FHOD3: variants seen among roughly 807,000 people sequenced by gnomAD.
The protein encoded by FHOD3 is formin homology 2 domain containing 3, also known as FH1/FH2 domain-containing protein 3.
Under a neutral mutation model 173.0 loss-of-function variants are expected in FHOD3, and 90 were observed. The observed-to-expected ratio is 0.52, with a 90% CI of 0.44 to 0.62. The LOEUF (loss-of-function observed/expected upper bound fraction) is 0.62. Ranked by LOEUF, FHOD3 falls within the 20% of genes least tolerant of loss-of-function variation. The pLI is 0.00. For synonymous variants in FHOD3, 828 were observed against 823.0 expected, an observed-to-expected ratio of 1.01 and a Z score of -0.10; for missense variants, 1,945 against 2,034.7, an observed-to-expected ratio of 0.96 and a Z score of 0.85.
chr18:36,688,648 C>G (rs535390933), intron 16 of FHOD3, among the ~76,000 whole-genome samples: 1 of 152,286 alleles, frequency 6.6e-6, no homozygotes, highest in South Asian at 2.1e-4. Context: ...GCATAAGGAA[C>G]TAAATTTTAT....
intron 5 of FHOD3, among the ~76,000 whole-genome samples, chr18:36,534,880 T>G (rs187345452): frequency 1.3e-5 from 2 of 152,330 alleles, no homozygotes; most frequent in East Asian, 3.9e-4. Context: ...AAATTTGCTG[T>G]GCTTAGAAGG....
At chr18:36,298,708 G>A (rs1025084562) in intron 1 of FHOD3, among the ~76,000 whole-genome samples, 1 of 152,148 alleles carries the variant, frequency 6.6e-6, no homozygotes, top group Non-Finnish European at 1.5e-5. Flanking sequence ...TTGGCAGCCC[G>A]AAATGAGTGT....
At chr18:36,714,391 A>G (rs185580905) in intron 18 of FHOD3, among the ~76,000 whole-genome samples, 1 of 152,106 alleles carries the variant, frequency 6.6e-6, no homozygotes, top group South Asian at 2.1e-4. Flanking sequence ...TACAAAAATT[A>G]GCTGGGCATG....
At chr18:36,601,101 G>T (rs1036375776) in intron 7 of FHOD3, among the ~76,000 whole-genome samples, 1 of 152,210 alleles carries the variant, frequency 6.6e-6, no homozygotes, top group African/African-American at 2.4e-5. Context: ...CAACTACACC[G>T]TGGTGTGGAC....
At chr18:36,596,789 C>T (rs1276062836) in intron 7 of FHOD3, among the ~76,000 whole-genome samples, 1 of 152,078 alleles carries the variant, frequency 6.6e-6, no homozygotes, top group East Asian at 1.9e-4. Flanking sequence ...GTTTCTTCTG[C>T]CACAAAATGT....
At chr18:36,332,446 G>A (rs189935072) in intron 1 of FHOD3, among the ~76,000 whole-genome samples, 10 of 152,340 alleles carry the variant, frequency 6.6e-5, no homozygotes, top group African/African-American at 1.9e-4. Flanking sequence ...CACCTGAAAG[G>A]AACTGAGCTG....
chr18:36,408,942 A>G (rs2049206135), intron 3 of FHOD3, among the ~76,000 whole-genome samples: 1 of 152,124 alleles, frequency 6.6e-6, no homozygotes, highest in Non-Finnish European at 1.5e-5. Flanking sequence ...CAGGTCATGG[A>G]ATCACTCATT....
Position 36,611,916 on chromosome 18 carries a change from G to C in FHOD3, c.814-36G>C, listed in dbSNP as rs769007828. ...CCTGAGAGCCTCAAGGCAGTCTTCT[G>C]TGGTGTCTCTGTAGCTGGTTCTTCT... On this transcript the variant is annotated intron_variant, in intron 8 of 28. Coordinates refer to ENST00000590592, the MANE Select transcript of FHOD3 (RefSeq NM_001281740.3). 5 of 1,597,690 alleles carry C rather than the reference G, an allele frequency of 3.1e-6. No individual in the cohort carries two copies. In the South Asian group the frequency reaches 5.7e-5, roughly 18 times the overall value.
intron 7 of FHOD3, among the ~76,000 whole-genome samples, chr18:36,600,252 AACACACACACACACAC>A (rs67473480): frequency 6.3e-5 from 9 of 143,066 alleles, no homozygotes; most frequent in Non-Finnish European, 1.4e-4. Flanking sequence ...TCTCCTCTGC[AACACACACACACACAC>A]ACACACACAC....
intron 3 of FHOD3, among the ~76,000 whole-genome samples, chr18:36,473,529 G>T (rs1040744772): frequency 3.9e-5 from 6 of 152,244 alleles, no homozygotes; most frequent in African/African-American, 1.4e-4. Context: ...AACTGCTAGT[G>T]AGTCACACAG....
chr18:36,567,001 C>A (rs2058289338), intron 5 of FHOD3, among the ~76,000 whole-genome samples: 1 of 152,142 alleles, frequency 6.6e-6, no homozygotes, highest in Admixed American at 6.5e-5. Flanking sequence ...TGGATTTTTA[C>A]AACTTTCTAG....
chr18:36,723,515 T>C (rs180987460), intron 19 of FHOD3, among the ~76,000 whole-genome samples: 72 of 152,348 alleles, frequency 4.7e-4, no homozygotes, highest in African/African-American at 1.7e-3. Flanking sequence ...CTTGTAACTG[T>C]CACTTTCTCA....
At chr18:36,401,346 C>T (rs1477011683) in intron 3 of FHOD3, among the ~76,000 whole-genome samples, 2 of 152,198 alleles carry the variant, frequency 1.3e-5, no homozygotes, top group Non-Finnish European at 1.5e-5. Context: ...CTGAATCTGC[C>T]GTTACCTTGA....
rs563970585 is a variant in FHOD3, at chr18:36,410,436, A to T, written c.337+37692A>T. The stretch of plus-strand genomic sequence containing the variant: ...AGACATTTGAGTTGTTTCTATTATG[A>T]ATAATGCTGGTATGAACATTTATGT... On this transcript the variant is annotated intron_variant, in intron 3 of 28. Transcript: ENST00000590592. 3.8e-4 allele frequency among the ~76,000 whole-genome samples: 58 copies of T among 152,320 alleles called. No homozygotes were observed. In the South Asian group the frequency reaches 0.012, roughly 30 times the overall value.
chr18:36,742,258 T>C (rs1600509459), intron 21 of FHOD3, among the ~76,000 whole-genome samples: 2 of 152,128 alleles, frequency 1.3e-5, no homozygotes, highest in East Asian at 1.9e-4. Context: ...GCAGTAGCCT[T>C]CTAGTGAGCA....
At chr18:36,661,986 C>A (rs1461089161) in intron 14 of FHOD3, among the ~76,000 whole-genome samples, 1 of 152,214 alleles carries the variant, frequency 6.6e-6, no homozygotes, top group Non-Finnish European at 1.5e-5. Context: ...AAACACTTCA[C>A]TTTTTGAAAA....
chr18:36,505,154 G>T (rs1260301406), intron 4 of FHOD3, among the ~76,000 whole-genome samples: 1 of 152,232 alleles, frequency 6.6e-6, no homozygotes. Flanking sequence ...CATTGTGTGT[G>T]TTTGCTTATT....
intron 3 of FHOD3, among the ~76,000 whole-genome samples, chr18:36,449,490 A>G (rs766859047): frequency 6.6e-6 from 1 of 152,186 alleles, no homozygotes. Context: ...CAGAAAGCAG[A>G]ATTGGAACAC....
At chr18:36,341,191 T>C (rs905491471) in intron 1 of FHOD3, among the ~76,000 whole-genome samples, 9 of 152,214 alleles carry the variant, frequency 5.9e-5, no homozygotes, top group Non-Finnish European at 1.5e-5. Flanking sequence ...GCCATCCTCA[T>C]AGGCTTGAGT....
Sources: gnomAD v4.1 joint callset for allele counts (sites outside exome capture counted in the v4.1 genomes callset) on GRCh38, gnomAD v4.1.1 for gene constraint, MANE v1.5 for transcripts, NCBI Gene and HGNC (gene_info 2026-07-23, HGNC 2026-07-21) for gene names.